F9: variants seen among roughly 807,000 people sequenced by gnomAD.
F9 encodes coagulation factor IX.
A neutral mutation model predicts 34.1 loss-of-function variants in F9; 2 were observed. That is an observed-to-expected ratio of 0.06 (90% CI 0.02 to 0.18). The LOEUF is 0.18. F9 is among the 10% of genes least tolerant of loss of function. The pLI is 1.00. For synonymous variants in F9, 137 were observed against 118.8 expected (o/e 1.15, Z -1.00); for missense variants, 216 against 345.1 (o/e 0.63, Z 2.96).
chrX:139,534,206 C>T (rs894174976), intron 1 of F9, among the ~76,000 whole-genome samples: 12 of 111,281 alleles, frequency 1.1e-4, no homozygotes, highest in African/African-American at 3.6e-4. Flanking sequence ...GAAAGTAGGG[C>T]CAACATGAAA....
chrX:139,530,884 T>C, intron 1 of F9, 32 bp downstream of exon 1: 1 of 1,075,761 alleles, frequency 9.3e-7, no homozygotes, highest in Middle Eastern at 2.5e-4. Flanking sequence ...ACATTGAGTA[T>C]GCTTGCCTTT....
At chrX:139,538,558 T>C (rs775720765) in intron 3 of F9, among the ~76,000 whole-genome samples, 2 of 111,952 alleles carry the variant, frequency 1.8e-5, no homozygotes, top group East Asian at 5.6e-4. Flanking sequence ...ACTTTTGTTT[T>C]TAAATCATGA....
In F9 at chrX:139,551,253, T is replaced by G. The variant is rs143128467; in HGVS notation, c.712T>G (p.Phe238Val). ...VGGEDAKPGQ[F>V]PWQVVLNGKV... ...TGGAGAAGATGCCAAACCAGGTCAA[T>G]TCCCTTGGCAGGTACTTTATACTGA... Residue 238 changes from phenylalanine to valine, a missense_variant, in exon 6 of 8, where the codon TTC (phenylalanine) becomes GTC (valine). Around this residue, in one of 2 missense-constraint regions of F9, gnomAD observed 177 missense variants for 311.8 expected, o/e 0.57. Transcript: ENST00000218099. The G allele has an allele frequency of 1.1e-5, 13 of 1,206,745 alleles. No individual in the cohort carries two copies. In the East Asian group the frequency reaches 2.7e-4, roughly 25 times the overall value.
chrX:139,533,037 T>C (rs1486343544), intron 1 of F9, among the ~76,000 whole-genome samples: 1 of 111,334 alleles, frequency 9.0e-6, no homozygotes, highest in Non-Finnish European at 1.9e-5. Context: ...GAGGGGGCCG[T>C]ACCAAGACTA....
intron 3 of F9, 64 bp downstream of exon 3, chrX:139,537,450 C>A: frequency 2.1e-6 from 2 of 931,245 alleles, no homozygotes; most frequent in Non-Finnish European, 3.1e-6. Flanking sequence ...TGGGTTTTTT[C>A]TCTGCATAAA....
At position 139,537,495 on chromosome X, in the gene F9, G is replaced by A. The variant is rs4149680; in HGVS notation, c.277+109G>A. 6.2e-4 allele frequency: 398 copies of A among 645,608 alleles called. 2 individuals are homozygous for A. In the African/African-American group the frequency reaches 6.7e-3, roughly 11 times the overall value. The allele number at this position is 645,608 out of a possible 1,213,427, so 53.2% of individuals were successfully genotyped here. On this transcript the variant is annotated intron_variant, in intron 3 of 7. Coordinates refer to ENST00000218099, the MANE Select transcript of F9 (RefSeq NM_000133.4). ...TATTAAACTTTGTCAAAAGGACTCA[G>A]AAAGATCAGTCCAACCCTCTAACCC...
At chrX:139,557,644 A>T (rs935835022) in intron 6 of F9, among the ~76,000 whole-genome samples, 1 of 112,360 alleles carries the variant, frequency 8.9e-6, no homozygotes, top group African/African-American at 3.2e-5. Flanking sequence ...ATATCATTGC[A>T]TGTGAATTCT....
intron 6 of F9, among the ~76,000 whole-genome samples, chrX:139,559,760 A>G (rs976046559): frequency 1.8e-5 from 2 of 111,894 alleles, no homozygotes; most frequent in Admixed American, 1.9e-4. Flanking sequence ...TTCATGCCTA[A>G]GACTGTGTGC....
chrX:139,558,154 G>A (rs1928012858), intron 6 of F9, among the ~76,000 whole-genome samples: 1 of 113,669 alleles, frequency 8.8e-6, no homozygotes, highest in Non-Finnish European at 1.9e-5. Flanking sequence ...AGGTGCACGT[G>A]CCCTATGCTA....
intron 6 of F9, among the ~76,000 whole-genome samples, chrX:139,557,259 C>T (rs929755932): frequency 1.8e-5 from 2 of 112,020 alleles, no homozygotes; most frequent in African/African-American, 6.5e-5. Flanking sequence ...CTTGACCGAG[C>T]AGACATCTCA....
intron 4 of F9, among the ~76,000 whole-genome samples, chrX:139,544,254 G>A (rs1333005669): frequency 9.0e-6 from 1 of 111,685 alleles, no homozygotes; most frequent in African/African-American, 3.3e-5. Context: ...GTTTGATTTG[G>A]CTGAACACTT....
chrX:139,530,782 G>A lies in F9; in HGVS notation c.18G>A (p.Met6Ile), dbSNP rs1927324989. 1 of 1,209,562 alleles carries A rather than the reference G, an allele frequency of 8.3e-7. No individual in the cohort carries two copies. The highest frequency in any genetic ancestry group is 2.2e-5 in the Admixed American group (1 of 45,764). ...CAAAGGTTATGCAGCGCGTGAACATGATCATGGCAGAATCACCAGGCCTCA... is the reference window on the plus strand; with the variant it reads ...CAAAGGTTATGCAGCGCGTGAACATAATCATGGCAGAATCACCAGGCCTCA... MQRVN[M>I]IMAESPGLIT... The change falls in exon 1 of 8, where the codon ATG becomes ATA. Residue 6 changes from methionine (M) to isoleucine (I), a missense_variant. Transcript: ENST00000218099.
intron 6 of F9, among the ~76,000 whole-genome samples, chrX:139,555,822 AG>A (rs1254863709): frequency 8.9e-6 from 1 of 112,286 alleles, no homozygotes; most frequent in Non-Finnish European, 1.9e-5. Context: ...ACCGCCACGT[AG>A]GGAAGAAATG....
chrX:139,541,578 C>T (rs1211370269), intron 4 of F9, among the ~76,000 whole-genome samples: 1 of 111,752 alleles, frequency 8.9e-6, no homozygotes, highest in Non-Finnish European at 1.9e-5. Flanking sequence ...CTTCTAACTA[C>T]TATATTCAAA....
chrX:139,540,423 C>T lies in F9; in HGVS notation c.278-653C>T, dbSNP rs770886987. Among the ~76,000 whole-genome samples the T allele has an allele frequency of 1.0e-3, 114 of 112,102 alleles. 1 individual carries two copies. The highest frequency in any genetic ancestry group is 3.3e-3 in the African/African-American group (102 of 30,982). On this transcript the variant is annotated intron_variant, in intron 3 of 7. Transcript: ENST00000218099. ...TAAATTCTGTATGATATATCGAATGCTGTCTCTCACATTACCTAGACCATT... is the reference window on the plus strand; with the variant it reads ...TAAATTCTGTATGATATATCGAATGTTGTCTCTCACATTACCTAGACCATT...
intron 1 of F9, 64 bp from the exon 2 acceptor site, chrX:139,536,946 A>G (rs1927488791): frequency 5.8e-6 from 6 of 1,041,449 alleles, no homozygotes; most frequent in Middle Eastern, 3.5e-4. Flanking sequence ...TTCTTAAGAG[A>G]TGTAAAATTT....
chrX:139,544,030 T>G (rs1355971032), intron 4 of F9, among the ~76,000 whole-genome samples: 1 of 111,642 alleles, frequency 9.0e-6, no homozygotes, highest in African/African-American at 3.3e-5. Context: ...AAGCCAAAGA[T>G]CAACAGCAGC....
rs180844826 is a variant in F9 at position 139,558,751 on chromosome X, A to G, written c.724-1990A>G. Among the ~76,000 whole-genome samples the G allele has an allele frequency of 1.3e-4, 15 of 112,187 alleles. No individual in the cohort carries two copies. The East Asian group carries it at 3.9e-3, about 29-fold the overall frequency. On this transcript the variant is annotated intron_variant, in intron 6 of 7. Coordinates refer to ENST00000218099, the MANE Select transcript of F9 (RefSeq NM_000133.4). ...AGTCTTGGAAATTCTGATTCAGTAGATATATAACAGGTCTCAAACTTAATT... is the reference window on the plus strand; with the variant it reads ...AGTCTTGGAAATTCTGATTCAGTAGGTATATAACAGGTCTCAAACTTAATT...
In F9 at chrX:139,563,122, C is replaced by T. The variant is rs1427900343; in HGVS notation, c.*1051C>T. ...TGCTAACAGAAAGAAGAGAACCGTTCGTTTGCAATCTACAGCTAGTAGAGA... is the reference window on the plus strand; with the variant it reads ...TGCTAACAGAAAGAAGAGAACCGTTTGTTTGCAATCTACAGCTAGTAGAGA... On this transcript the variant is annotated 3_prime_UTR_variant, in exon 8 of 8. Transcript: ENST00000218099. 3 of 109,263 alleles carry T rather than the reference C, an allele frequency of 2.7e-5. No homozygotes were observed. Among genetic ancestry groups the T allele is most frequent in the Non-Finnish European group, 5.7e-5 (3 of 52,716 alleles). The allele number at this position is 109,263 out of a possible 1,213,427, so 9.0% of individuals were successfully genotyped here. A position where few individuals can be genotyped will look rare whatever the true frequency, so the allele number is the denominator to read the frequency against.
Sources: allele counts gnomAD v4.1 joint callset (sites outside exome capture counted in the v4.1 genomes callset), GRCh38; gene constraint gnomAD v4.1.1; regional missense constraint gnomAD v4.1.1; transcripts MANE v1.5; gene names NCBI Gene and HGNC (gene_info 2026-07-23, HGNC 2026-07-21).